The following PACS2 variants were observed in gnomAD, a reference collection of about 807,000 sequenced individuals.
PACS2 encodes PACS1-like protein.
In PACS2, 36 loss-of-function variants were observed where a neutral mutation model predicts 113.0. The ratio of observed to expected loss-of-function variants is 0.32; its 90% CI spans 0.24 to 0.42. The LOEUF (loss-of-function observed/expected upper bound fraction) is 0.42. Ranked by LOEUF, PACS2 falls within the 10% of genes least tolerant of loss-of-function variation. The pLI is 1.00. For synonymous variants in PACS2, 589 were observed against 536.1 expected (o/e 1.10, Z -1.36); for missense variants, 1,015 against 1,239.5 (o/e 0.82, Z 2.72).
intron 19 of PACS2, among the ~76,000 whole-genome samples, chr14:105,387,222 T>C (rs2081206487): frequency 6.6e-6 from 1 of 152,186 alleles, no homozygotes; most frequent in African/African-American, 2.4e-5. Flanking sequence ...GGCACAGCCC[T>C]TGTGACGGGG....
intron 22 of PACS2, 75 bp downstream of exon 22, chr14:105,391,841 C>T: frequency 2.1e-6 from 3 of 1,411,970 alleles, no homozygotes; most frequent in Middle Eastern, 3.6e-4. Context: ...TCATCCTCCC[C>T]TATGTCACAT....
chr14:105,302,225 C>G (rs746361128), intron 1 of PACS2, among the ~76,000 whole-genome samples: 1 of 137,428 alleles, frequency 7.3e-6, no homozygotes, highest in African/African-American at 2.7e-5. Context: ...TTTTTTGAGA[C>G]GGAGTCTCTG....
In PACS2 at chr14:105,356,556, C is replaced by G. The variant is rs1201044418; in HGVS notation, c.423+1379C>G. Among the ~76,000 whole-genome samples, 1 of 152,204 alleles carries G rather than the reference C, an allele frequency of 6.6e-6. No individual in the cohort carries two copies. Among genetic ancestry groups the G allele is most frequent in the Admixed American group, 6.5e-5 (1 of 15,284 alleles). ...TGGGTGAACAGGTAGCTCAGGGATGCTCTCTGGGCTGTGAGAGCCTCCTGG... is the reference window on the plus strand; with the variant it reads ...TGGGTGAACAGGTAGCTCAGGGATGGTCTCTGGGCTGTGAGAGCCTCCTGG... On this transcript the variant is annotated intron_variant, in intron 4 of 24. Coordinates refer to ENST00000447393, the MANE Select transcript of PACS2 (RefSeq NM_001100913.3). The surrounding 1 kb of genome is among the most constrained non-coding windows in gnomAD (Gnocchi z 4.0).
Position 105,348,947 on chromosome 14 carries a change from G to C in PACS2, c.207+367G>C, listed in dbSNP as rs1052054552. Among the ~76,000 whole-genome samples, 1 of 152,222 alleles carries C rather than the reference G, an allele frequency of 6.6e-6. No homozygotes were observed. The highest frequency in any genetic ancestry group is 2.4e-5 in the African/African-American group (1 of 41,466). ...TTTTTGTGGGGTGGAGGGCGTCGGT[G>C]GGAGAGGGGAGCAGGGCACTCTGGG... is the stretch of plus-strand genomic sequence containing the variant. On this transcript the variant is annotated intron_variant, in intron 2 of 24. Coordinates refer to ENST00000447393, the MANE Select transcript of PACS2 (RefSeq NM_001100913.3). This position sits in a 1 kb window ranked among gnomAD's most constrained non-coding sequence, Gnocchi z 6.4.
intron 1 of PACS2, among the ~76,000 whole-genome samples, chr14:105,321,726 T>C (rs906013559): frequency 6.9e-6 from 1 of 143,892 alleles, no homozygotes; most frequent in Admixed American, 6.6e-5. Context: ...TAATTCTAGG[T>C]ATTTTGAACT....
intron 7 of PACS2, among the ~76,000 whole-genome samples, chr14:105,369,459 C>T (rs587773803): frequency 5.9e-5 from 9 of 152,346 alleles, no homozygotes; most frequent in South Asian, 2.1e-4. Context: ...TCTTGGAGCA[C>T]GCCCCACCCC....
At chr14:105,308,052 T>C (rs1269581272) in intron 1 of PACS2, among the ~76,000 whole-genome samples, 1 of 151,646 alleles carries the variant, frequency 6.6e-6, no homozygotes, top group Non-Finnish European at 1.5e-5. Flanking sequence ...TGCGTGGTGG[T>C]GCGTGCCTCT....
At chr14:105,352,511 C>A (rs1555404244) in intron 3 of PACS2, 44 bp downstream of exon 3, 5 of 1,243,060 alleles carry the variant, frequency 4.0e-6, no homozygotes, top group Non-Finnish European at 5.9e-6. Context: ...TCACTGTCCC[C>A]TGGGGAGACG....
At chr14:105,382,325 C>T in intron 13 of PACS2, 152 bp from the exon 14 acceptor site, 1 of 697,174 alleles carries the variant, frequency 1.4e-6, no homozygotes, top group Non-Finnish European at 2.5e-6. Flanking sequence ...TGATTTAGCC[C>T]AGGGCAGTTC....
chr14:105,303,885 T>C (rs1189913548), intron 1 of PACS2, among the ~76,000 whole-genome samples: 2 of 152,228 alleles, frequency 1.3e-5, no homozygotes, highest in East Asian at 3.8e-4. Flanking sequence ...CTCCATTTTA[T>C]GGAGGGAGCC....
chr14:105,346,628 C>T (rs1183309271), intron 1 of PACS2, among the ~76,000 whole-genome samples: 1 of 22,444 alleles, frequency 4.5e-5, no homozygotes, highest in Admixed American at 3.9e-4. Flanking sequence ...CACGGCATCA[C>T]CCCCACCGCC....
In PACS2 at chr14:105,393,141, C is replaced by T. The variant is rs1179529873; in HGVS notation, c.2483-81C>T. 9.3e-6 allele frequency: 10 copies of T among 1,073,934 alleles called. No individual in the cohort carries two copies. The Admixed American group carries it at 1.1e-4, about 12-fold the overall frequency. The allele number at this position is 1,073,934 out of a possible 1,614,324, so 66.5% of individuals were successfully genotyped here. A position where few individuals can be genotyped will look rare whatever the true frequency, so the allele number is the denominator to read the frequency against. On this transcript the variant is annotated intron_variant, in intron 23 of 24. Coordinates refer to ENST00000447393, the MANE Select transcript of PACS2 (RefSeq NM_001100913.3). Reference sequence around the variant, plus strand: ...CCATGACCAGCTGAGCCCCCAGTGCCTCCCCCACACGTACCCCTGGCCCTG... The same window carrying T: ...CCATGACCAGCTGAGCCCCCAGTGCTTCCCCCACACGTACCCCTGGCCCTG...
At chr14:105,367,526 G>A in intron 5 of PACS2, 151 bp downstream of exon 5, 2 of 747,316 alleles carry the variant, frequency 2.7e-6, no homozygotes, top group Non-Finnish European at 4.5e-6. Context: ...GGAAGCCACA[G>A]CAGAGGTGCG....
intron 1 of PACS2, among the ~76,000 whole-genome samples, chr14:105,339,645 G>A (rs587647567): frequency 4.6e-5 from 7 of 151,516 alleles, no homozygotes; most frequent in Admixed American, 1.3e-4. Flanking sequence ...GCAGTGAGCC[G>A]TGATTGCACC....
At chr14:105,364,490 G>T (rs1458053657) in intron 4 of PACS2, among the ~76,000 whole-genome samples, 34 of 138,198 alleles carry the variant, frequency 2.5e-4, no homozygotes, top group South Asian at 1.4e-3. Context: ...GTGGGTGGCG[G>T]CCCGGGTGCG....
rs781785073 is a variant in PACS2, at chr14:105,389,962, C to T, written c.2035C>T (p.Pro679Ser). The change falls in exon 20 of 25, where the codon CCT becomes TCT. Residue 679 changes from proline (P) to serine (S), a missense_variant and splice_region_variant. Transcript: ENST00000447393. ...AACTGTCTGTTTCCTTGCTCTTAGC[C>T]CTGACGAAGAGTCCTCCCAAAAGTT... ...KHFHFDFTLS[P>S]DEESSQKFIP... is the part of the protein sequence containing the mutation. 4 of 1,613,724 alleles carry T rather than the reference C, an allele frequency of 2.5e-6. No individual in the cohort carries two copies. Among genetic ancestry groups the T allele is most frequent in the East Asian group, 2.2e-5 (1 of 44,882 alleles).
chr14:105,320,411 C>T (rs929771468), intron 1 of PACS2, among the ~76,000 whole-genome samples: 3 of 152,042 alleles, frequency 2.0e-5, no homozygotes, highest in Middle Eastern at 3.2e-3. Flanking sequence ...GCTCTTTTGC[C>T]TAGGCTGGAG....
At position 105,340,459 on chromosome 14, in the gene PACS2, T is replaced by C. The variant is rs11849421; in HGVS notation, c.120-8034T>C. Among the ~76,000 whole-genome samples the C allele has an allele frequency of 0.12, 17,560 of 152,170 alleles. 3,439 individuals carry two copies. The highest frequency in any genetic ancestry group is 0.4 in the African/African-American group (16,569 of 41,434). The stretch of plus-strand genomic sequence containing the variant: ...AAGACAGTTTTTCCACAGACGGTGA[T>C]GGGAATGGTTTCCAGTGAAACTGTC... On this transcript the variant is annotated intron_variant, in intron 1 of 24. Coordinates refer to ENST00000447393, the MANE Select transcript of PACS2 (RefSeq NM_001100913.3). This position sits in a 1 kb window ranked among gnomAD's most constrained non-coding sequence, Gnocchi z 4.2.
chr14:105,373,907 G>A (rs1488446691), intron 8 of PACS2, among the ~76,000 whole-genome samples: 1 of 152,112 alleles, frequency 6.6e-6, no homozygotes, highest in Non-Finnish European at 1.5e-5. Context: ...AGTGGCCGAG[G>A]CTTGAGGCTC....
Sources: gnomAD v4.1 joint callset for allele counts (sites outside exome capture counted in the v4.1 genomes callset) on GRCh38, gnomAD v4.1.1 for gene constraint, Gnocchi (gnomAD v3.1) non-coding constraint, MANE v1.5 for transcripts, NCBI Gene and HGNC (gene_info 2026-07-23, HGNC 2026-07-21) for gene names.